The following EXTL2 variants were observed in gnomAD, a reference collection of about 807,000 sequenced individuals.
The protein encoded by EXTL2 is exostosin-like 2.
A neutral mutation model predicts 30.7 loss-of-function variants in EXTL2; 23 were observed. That is an observed-to-expected ratio of 0.75 (90% CI 0.54 to 1.06). EXTL2 has a LOEUF of 1.06. EXTL2 is among the 50% of genes least tolerant of loss of function. The pLI is 0.00. For synonymous variants in EXTL2, 123 were observed against 133.8 expected, an observed-to-expected ratio of 0.92 and a Z score of 0.56; for missense variants, 352 against 396.3, an observed-to-expected ratio of 0.89 and a Z score of 0.95.
At chr1:100,888,493 A>C in intron 2 of EXTL2, 3 of 308,620 alleles carry the variant, frequency 9.7e-6, no homozygotes. Flanking sequence ...ATTATGAGGT[A>C]CCTAGGAAAG....
At chr1:100,886,198 T>C (rs1649954268) in intron 2 of EXTL2, among the ~76,000 whole-genome samples, 1 of 152,242 alleles carries the variant, frequency 6.6e-6, no homozygotes, top group African/African-American at 2.4e-5. Context: ...ATTTAAACCT[T>C]GTTATTTAGA....
chr1:100,889,156 G>C (rs1650210238), intron 1 of EXTL2, among the ~76,000 whole-genome samples: 1 of 152,186 alleles, frequency 6.6e-6, no homozygotes, highest in Non-Finnish European at 1.5e-5. Context: ...GTTCCACATG[G>C]CTAGGGAGGC....
chr1:100,883,023 C>T (rs1170200702), intron 2 of EXTL2, among the ~76,000 whole-genome samples: 1 of 152,178 alleles, frequency 6.6e-6, no homozygotes, highest in Non-Finnish European at 1.5e-5. Context: ...TAAGGTCATG[C>T]AGCTGCATGT....
intron 1 of EXTL2, among the ~76,000 whole-genome samples, chr1:100,893,658 T>C (rs1156778126): frequency 1.3e-5 from 2 of 152,232 alleles, no homozygotes; most frequent in South Asian, 2.1e-4. Context: ...GGGACAAACA[T>C]TATTTGACAA....
Position 100,877,540 on chromosome 1 carries a change from G to A in EXTL2, c.369C>T (p.Phe123=). The change falls in exon 3 of 5, where the codon TTC becomes TTT. Residue 123 remains phenylalanine, a synonymous_variant. Coordinates refer to ENST00000370114, the MANE Select transcript of EXTL2 (RefSeq NM_001033025.3). The surrounding 1 kb of genome is among the most constrained non-coding windows in gnomAD (Gnocchi z 4.1). The part of the protein sequence containing the change: ...SLGPHPIPVI[F]KQQTANRMRN... ...TCATCCTGTTTGCTGTCTGTTGTTT[G>A]AAGATCACAGGGATAGGGTGGGGCC... The A allele has an allele frequency of 6.2e-7, 1 of 1,612,434 alleles. No homozygotes were observed. The highest frequency in any genetic ancestry group is 8.5e-7 in the Non-Finnish European group (1 of 1,179,130).
chr1:100,884,105 A>G (rs1649775825), intron 2 of EXTL2, among the ~76,000 whole-genome samples: 1 of 152,202 alleles, frequency 6.6e-6, no homozygotes, highest in South Asian at 2.1e-4. Flanking sequence ...CTGAAAACAA[A>G]CATGCCAGTG....
At chr1:100,876,688 A>AT in intron 4 of EXTL2, 106 bp downstream of exon 4, 4 of 692,038 alleles carry the variant, frequency 5.8e-6, no homozygotes, top group Non-Finnish European at 9.8e-6. Flanking sequence ...TTAGATAAAT[A>AT]TTATCTAAAA....
chr1:100,885,780 A>C (rs1649914075), intron 2 of EXTL2: 1 of 152,178 alleles, frequency 6.6e-6, no homozygotes. Flanking sequence ...TTGTTTTAGA[A>C]ATGCCATACA....
chr1:100,885,565 A>T (rs1649897514), intron 2 of EXTL2: 1 of 152,268 alleles, frequency 6.6e-6, no homozygotes, highest in South Asian at 2.1e-4. Context: ...AACTCAATTC[A>T]GTATTGCCCA....
chr1:100,889,542 C>T (rs1650248723), intron 1 of EXTL2, among the ~76,000 whole-genome samples: 1 of 152,168 alleles, frequency 6.6e-6, no homozygotes, highest in South Asian at 2.1e-4. Context: ...AAGTCTCTTC[C>T]AAGGCAAGGC....
Position 100,880,268 on chromosome 1 carries a change from A to G in EXTL2, c.6-2365T>C, listed in dbSNP as rs75586452. ...AAGCAAAGGAAGAGTTTGTTCACAA[A>G]GACAAGGAGAAGATCATTGTCATTC... On this transcript the variant is annotated intron_variant, in intron 2 of 4. Transcript: ENST00000370114. Among the ~76,000 whole-genome samples the G allele has an allele frequency of 6.1e-3, 925 of 152,286 alleles. 12 individuals are homozygous for G. Among genetic ancestry groups the G allele is most frequent in the African/African-American group, 0.022 (899 of 41,576 alleles).
intron 2 of EXTL2, among the ~76,000 whole-genome samples, chr1:100,879,430 A>T (rs1649392185): frequency 1.3e-5 from 2 of 152,336 alleles, no homozygotes; most frequent in South Asian, 4.1e-4. Flanking sequence ...TTTACTTATG[A>T]AAAGAAAGAC....
chr1:100,879,993 T>C (rs1030809061), intron 2 of EXTL2, among the ~76,000 whole-genome samples: 2 of 152,116 alleles, frequency 1.3e-5, no homozygotes, highest in African/African-American at 4.8e-5. Flanking sequence ...TGATATCTAC[T>C]CAACATTTTG....
rs200323785 is a variant in EXTL2 at position 100,877,685 on chromosome 1, C to T, written c.224G>A (p.Arg75Lys). Residue 75 changes from arginine to lysine, a missense_variant, in exon 3 of 5, where the codon AGA becomes AAA. By Grantham distance (26) the Arg-to-Lys change is conservative. Coordinates refer to ENST00000370114, the MANE Select transcript of EXTL2 (RefSeq NM_001033025.3). The surrounding 1 kb of genome is among the most constrained non-coding windows in gnomAD (Gnocchi z 4.1). ...TAAAAGTTTCAATAAGAGATCTGTT[C>T]TGTTGTACGTCTGCATTATGAGAGT... ...SFTLIMQTYN[R>K]TDLLLKLLNH... The T allele has an allele frequency of 5.0e-6, 8 of 1,613,438 alleles. No homozygotes were observed. The highest frequency in any genetic ancestry group is 6.8e-6 in the Non-Finnish European group (8 of 1,179,688).
chr1:100,890,627 G>A (rs1650352570), intron 1 of EXTL2, among the ~76,000 whole-genome samples: 1 of 152,174 alleles, frequency 6.6e-6, no homozygotes, highest in African/African-American at 2.4e-5. Context: ...TCTAGGGCAG[G>A]AGCAAAATGC....
chr1:100,875,812 T>C (rs1381561365), intron 4 of EXTL2, among the ~76,000 whole-genome samples: 1 of 152,070 alleles, frequency 6.6e-6, no homozygotes, highest in Non-Finnish European at 1.5e-5. Flanking sequence ...CATTTTTACA[T>C]TTTGGGCAAA....
chr1:100,882,974 C>A (rs1570464616), intron 2 of EXTL2, among the ~76,000 whole-genome samples: 1 of 152,170 alleles, frequency 6.6e-6, no homozygotes, highest in Non-Finnish European at 1.5e-5. Flanking sequence ...CCTTGTTTCA[C>A]AGATAAACAA....
intron 1 of EXTL2, 36 bp from the exon 2 acceptor site, chr1:100,888,864 T>C: frequency 1.3e-6 from 1 of 750,476 alleles, no homozygotes; most frequent in Non-Finnish European, 2.1e-6. Context: ...CTGTGATGTT[T>C]CTGTCAGTCA....
chr1:100,891,920 C>G (rs185535480), intron 1 of EXTL2, among the ~76,000 whole-genome samples: 2 of 152,086 alleles, frequency 1.3e-5, no homozygotes, highest in Non-Finnish European at 2.9e-5. Flanking sequence ...CAGGAATGGA[C>G]GTTTAGAGGT....
Sources: gnomAD v4.1 joint callset for allele counts (sites outside exome capture counted in the v4.1 genomes callset) on GRCh38, gnomAD v4.1.1 for gene constraint, Gnocchi (gnomAD v3.1) non-coding constraint, MANE v1.5 for transcripts, NCBI Gene and HGNC (gene_info 2026-07-23, HGNC 2026-07-21) for gene names.